The following ALK variants were observed in gnomAD, a reference collection of about 807,000 sequenced individuals.
The protein encoded by ALK is ALK tyrosine kinase receptor.
In ALK, 74 loss-of-function variants were observed where a neutral mutation model predicts 163.1. The ratio of observed to expected loss-of-function variants is 0.45; its 90% confidence interval spans 0.38 to 0.55. ALK has a LOEUF of 0.55. Among genes scored for constraint, ALK ranks in the 20% least tolerant of loss-of-function variants. The pLI is 0.00. For synonymous variants in ALK, 960 were observed against 843.2 expected (o/e 1.14, Z -2.40); for missense variants, 2,063 against 2,105.3 (o/e 0.98, Z 0.39).
intron 1 of ALK, among the ~76,000 whole-genome samples, chr2:29,865,393 T>C (rs1448065338): frequency 6.6e-6 from 1 of 152,168 alleles, no homozygotes; most frequent in Non-Finnish European, 1.5e-5. Flanking sequence ...TGAGGAGCCC[T>C]CAGGACCCTG....
intron 1 of ALK, among the ~76,000 whole-genome samples, chr2:29,919,741 G>T (rs1462069662): frequency 1.3e-5 from 2 of 152,152 alleles, no homozygotes; most frequent in Admixed American, 6.5e-5. Flanking sequence ...AGAGAAGAAG[G>T]CGCTCTGCCA....
At chr2:29,820,295 G>A (rs1286110398) in intron 1 of ALK, among the ~76,000 whole-genome samples, 1 of 152,166 alleles carries the variant, frequency 6.6e-6, no homozygotes, top group East Asian at 1.9e-4. Flanking sequence ...GTGAGGACAT[G>A]CCAATGAGCC....
chr2:29,279,948 C>A (rs537267750), intron 9 of ALK, among the ~76,000 whole-genome samples: 1 of 152,232 alleles, frequency 6.6e-6, no homozygotes, highest in South Asian at 2.1e-4. Flanking sequence ...ATCAGGTAGA[C>A]CACTCTGGGA....
At chr2:29,279,525 T>C (rs1327267077) in intron 9 of ALK, among the ~76,000 whole-genome samples, 1 of 152,080 alleles carries the variant, frequency 6.6e-6, no homozygotes, top group African/African-American at 2.4e-5. Context: ...TGGTAGGTGA[T>C]GGGCAGTCAG....
At chr2:29,292,567 G>T (rs1666060754) in intron 9 of ALK, among the ~76,000 whole-genome samples, 1 of 152,142 alleles carries the variant, frequency 6.6e-6, no homozygotes, top group South Asian at 2.1e-4. Context: ...GCTATGTGAG[G>T]TGGATGTAAA....
chr2:29,400,482 C>T (rs2148314671), intron 4 of ALK, among the ~76,000 whole-genome samples: 1 of 152,264 alleles, frequency 6.6e-6, no homozygotes, highest in East Asian at 1.9e-4. Flanking sequence ...AGGCTGCTGA[C>T]CGAGGTCCCA....
chr2:29,732,841 C>T (rs909892635), intron 1 of ALK, among the ~76,000 whole-genome samples: 6 of 152,086 alleles, frequency 3.9e-5, no homozygotes, highest in African/African-American at 1.4e-4. Flanking sequence ...CTTGCACTTC[C>T]CAATCTCTAG....
intron 5 of ALK, among the ~76,000 whole-genome samples, chr2:29,371,225 C>T (rs951071648): frequency 6.6e-6 from 1 of 152,248 alleles, no homozygotes; most frequent in Non-Finnish European, 1.5e-5. Flanking sequence ...TAAAGTTCCA[C>T]AAAAACCGTG....
At chr2:29,519,295 G>C (rs1465747452) in intron 4 of ALK, among the ~76,000 whole-genome samples, 1 of 152,106 alleles carries the variant, frequency 6.6e-6, no homozygotes, top group Non-Finnish European at 1.5e-5. Flanking sequence ...CATTGTTTTG[G>C]GGTAGGGGAT....
chr2:29,876,333 G>GTGGTAATGGTAATGATGA, intron 1 of ALK, among the ~76,000 whole-genome samples: 1 of 151,702 alleles, frequency 6.6e-6, no homozygotes, highest in Non-Finnish European at 1.5e-5. Flanking sequence ...GGTGGTGGTG[G>GTGGTAATGGTAATGATGA]TGGTGATGGT....
At position 29,255,649 on chromosome 2, in the gene ALK, G is replaced by A. The variant is rs10207253; in HGVS notation, c.2042-4382C>T. 9.3e-3 allele frequency among the ~76,000 whole-genome samples: 1,409 copies of A among 152,152 alleles called. 24 individuals are homozygous for A. Among genetic ancestry groups the A allele is most frequent in the African/African-American group, 0.03 (1,241 of 41,490 alleles). ...AGGGTCCTTTGGGGGTGATTAAACC[G>A]TTCCCAGATTTCTGCCTTGAAGACT... is the stretch of plus-strand genomic sequence containing the variant. On this transcript the variant is annotated intron_variant, in intron 11 of 28. Transcript: ENST00000389048.
rs1404522549 is a variant in ALK, at chr2:29,920,706, C to G, written c.-47G>C. The G allele has an allele frequency of 2.7e-6, 4 of 1,481,574 alleles. No homozygotes were observed. In the East Asian group the frequency reaches 7.4e-5, roughly 27 times the overall value. The allele number at this position is 1,481,574 out of a possible 1,614,324, so 91.8% of individuals were successfully genotyped here. On this transcript the variant is annotated 5_prime_UTR_variant, in exon 1 of 29. Transcript: ENST00000389048. The stretch of plus-strand genomic sequence containing the variant: ...CACTGCTCTCCGGGCCCAGCCTCAC[C>G]CTTCGCTCTCCCCGAGATGGGAAGA...
intron 5 of ALK, among the ~76,000 whole-genome samples, chr2:29,339,855 C>T (rs766906578): frequency 6.6e-6 from 1 of 152,198 alleles, no homozygotes; most frequent in Non-Finnish European, 1.5e-5. Flanking sequence ...CTTCCAAATC[C>T]TAGGACAAAG....
At chr2:29,312,993 A>G (rs1666733677) in intron 8 of ALK, among the ~76,000 whole-genome samples, 1 of 151,556 alleles carries the variant, frequency 6.6e-6, no homozygotes, top group South Asian at 2.1e-4. Context: ...AGGGAGATAG[A>G]GATAACATTA....
chr2:29,296,551 C>T (rs1666184812), intron 9 of ALK, among the ~76,000 whole-genome samples: 1 of 152,210 alleles, frequency 6.6e-6, no homozygotes, highest in Non-Finnish European at 1.5e-5. Flanking sequence ...ATGCTATATA[C>T]ATGTAAAACC....
intron 1 of ALK, among the ~76,000 whole-genome samples, chr2:29,812,471 G>A (rs1363409858): frequency 6.6e-6 from 1 of 152,052 alleles, no homozygotes; most frequent in Non-Finnish European, 1.5e-5. Context: ...TGAGAGGAGG[G>A]AAATAAGGCT....
intron 1 of ALK, among the ~76,000 whole-genome samples, chr2:29,858,904 G>A (rs764939887): frequency 4.0e-5 from 6 of 149,210 alleles, no homozygotes; most frequent in African/African-American, 7.4e-5. Flanking sequence ...CCAGGCACAC[G>A]TGCCTGTAGT....
intron 1 of ALK, among the ~76,000 whole-genome samples, chr2:29,870,253 T>C (rs1666543680): frequency 6.6e-6 from 1 of 152,192 alleles, no homozygotes; most frequent in African/African-American, 2.4e-5. Context: ...AAGCTCATAG[T>C]TTTGCAGGCT....
chr2:29,456,617 A>C lies in ALK; in HGVS notation c.1155-72758T>G, dbSNP rs538019229. 9.2e-5 allele frequency among the ~76,000 whole-genome samples: 14 copies of C among 152,310 alleles called. No homozygotes were observed. In the East Asian group the frequency reaches 1.9e-3, roughly 21 times the overall value. On this transcript the variant is annotated intron_variant, in intron 4 of 28. Transcript: ENST00000389048. ...AATTACAGTTTTCAAGATGAAAAAC[A>C]TTCTGGAGTTGGATGGCAGTAATGA... is the stretch of plus-strand genomic sequence containing the variant.
Sources: allele counts gnomAD v4.1 joint callset (sites outside exome capture counted in the v4.1 genomes callset), GRCh38; gene constraint gnomAD v4.1.1; transcripts MANE v1.5; gene names NCBI Gene and HGNC (gene_info 2026-07-23, HGNC 2026-07-21).